RNF217: variants seen among roughly 807,000 people sequenced by gnomAD.
RNF217 encodes the protein E3 ubiquitin-protein ligase RNF217.
In RNF217, 31 loss-of-function variants were observed where a neutral mutation model predicts 57.8. The ratio of observed to expected loss-of-function variants is 0.54; its 90% CI spans 0.40 to 0.72. RNF217 has a LOEUF of 0.72. RNF217 is among the 30% of genes least tolerant of loss of function. The pLI, the probability that RNF217 is intolerant of heterozygous loss-of-function variation, is 0.00. For synonymous variants in RNF217, 313 were observed against 294.0 expected (o/e 1.06, Z -0.66); for missense variants, 696 against 708.3 (o/e 0.98, Z 0.20).
chr6:125,015,646 T>C (rs1785573307), intron 1 of RNF217, among the ~76,000 whole-genome samples: 2 of 151,974 alleles, frequency 1.3e-5, no homozygotes, highest in South Asian at 4.1e-4. Context: ...TGTATATATA[T>C]TGGTATTGCT....
At chr6:124,999,003 A>G (rs565789985) in intron 1 of RNF217, among the ~76,000 whole-genome samples, 18 of 152,356 alleles carry the variant, frequency 1.2e-4, no homozygotes, top group Admixed American at 1.1e-3. Flanking sequence ...AAATAGATAC[A>G]TGTAATTATA....
intron 3 of RNF217, among the ~76,000 whole-genome samples, chr6:125,060,555 A>G (rs1582764449): frequency 6.6e-6 from 1 of 151,780 alleles, no homozygotes; most frequent in African/African-American, 2.4e-5. Context: ...AGCAATTCTC[A>G]TGCCTCAGCC....
intron 3 of RNF217, among the ~76,000 whole-genome samples, chr6:125,062,207 T>C (rs574298771): frequency 6.6e-6 from 1 of 152,272 alleles, no homozygotes; most frequent in South Asian, 2.1e-4. Flanking sequence ...GTATTCTAAA[T>C]GAAACAAAAT....
intron 1 of RNF217, among the ~76,000 whole-genome samples, chr6:124,986,886 T>C (rs923665891): frequency 4.6e-5 from 7 of 152,138 alleles, no homozygotes; most frequent in African/African-American, 1.7e-4. Context: ...TTATTTCTTT[T>C]GAGATAATGT....
intron 1 of RNF217, among the ~76,000 whole-genome samples, chr6:124,972,461 T>G (rs768196087): frequency 1.3e-5 from 2 of 152,194 alleles, no homozygotes; most frequent in Non-Finnish European, 2.9e-5. Flanking sequence ...ACTCTCCTTC[T>G]TAGCCTTTCA....
At chr6:125,057,215 G>T (rs894067913) in intron 2 of RNF217, among the ~76,000 whole-genome samples, 1 of 152,066 alleles carries the variant, frequency 6.6e-6, no homozygotes, top group Admixed American at 6.6e-5. Flanking sequence ...TCTCTCTGTC[G>T]CCCATGCTGG....
chr6:125,035,956 T>A (rs1037231416), intron 1 of RNF217, among the ~76,000 whole-genome samples: 1 of 152,038 alleles, frequency 6.6e-6, no homozygotes, highest in African/African-American at 2.4e-5. Flanking sequence ...ATGTGCAGAA[T>A]GTGCAGGATT....
chr6:124,989,007 T>A (rs1437358630), intron 1 of RNF217, among the ~76,000 whole-genome samples: 2 of 152,182 alleles, frequency 1.3e-5, no homozygotes, highest in Admixed American at 6.6e-5. Context: ...GCTAATAGTC[T>A]TAAACCAGTT....
At chr6:125,070,490 C>G (rs1003908826) in intron 3 of RNF217, among the ~76,000 whole-genome samples, 1 of 152,226 alleles carries the variant, frequency 6.6e-6, no homozygotes, top group African/African-American at 2.4e-5. Context: ...CTTTTCACCA[C>G]ATTCACACCA....
chr6:124,963,193 T>G lies in RNF217; in HGVS notation c.649T>G (p.Ser217Ala). The G allele has an allele frequency of 6.5e-7, 1 of 1,535,666 alleles. No individual in the cohort carries two copies. The highest frequency in any genetic ancestry group is 1.7e-4 in the Middle Eastern group (1 of 5,954). ...ACTGTCCCTCCCAACGGATTCCCTC[T>G]CCCCCGACGGCGGCAGCATCGAGCT... ...PRLSLPTDSL[S>A]PDGGSIELEF... The change falls in exon 1 of 6, where the codon TCC (serine) becomes GCC (alanine). Residue 217 changes from serine (S) to alanine (A), a missense_variant. Transcript: ENST00000521654.
At chr6:125,025,690 C>T (rs1347503384) in intron 1 of RNF217, among the ~76,000 whole-genome samples, 1 of 125,826 alleles carries the variant, frequency 7.9e-6, no homozygotes, top group South Asian at 2.7e-4. Flanking sequence ...AGGGATATTT[C>T]CAAATGTACT....
intron 5 of RNF217, chr6:125,082,610 G>A: frequency 6.3e-7 from 1 of 1,580,896 alleles, no homozygotes; most frequent in Non-Finnish European, 8.6e-7. Flanking sequence ...CAATAAAGAA[G>A]ATTTAAACCA....
intron 1 of RNF217, among the ~76,000 whole-genome samples, chr6:124,968,930 G>A (rs959142186): frequency 6.6e-6 from 1 of 152,180 alleles, no homozygotes; most frequent in African/African-American, 2.4e-5. Context: ...TGGGGTACCT[G>A]TATGATAAGC....
intron 5 of RNF217, 54 bp from the exon 6 acceptor site, chr6:125,082,810 G>C: frequency 7.4e-7 from 1 of 1,356,628 alleles, no homozygotes; most frequent in South Asian, 1.2e-5. Context: ...TTTTAAAATA[G>C]GAAAACCTAA....
intron 1 of RNF217, among the ~76,000 whole-genome samples, chr6:125,006,805 C>T (rs1052463881): frequency 1.3e-4 from 20 of 151,978 alleles, no homozygotes; most frequent in Non-Finnish European, 2.2e-4. Flanking sequence ...AAAAATTAGC[C>T]GGGTGTGGTG....
intron 1 of RNF217, among the ~76,000 whole-genome samples, chr6:124,976,951 C>A (rs911026147): frequency 6.6e-6 from 1 of 152,158 alleles, no homozygotes; most frequent in Non-Finnish European, 1.5e-5. Context: ...AGCAGGAAAA[C>A]CCTGAAAGGA....
At chr6:125,081,410 A>G in intron 4 of RNF217, 26 bp from the exon 5 acceptor site, 1 of 1,590,954 alleles carries the variant, frequency 6.3e-7, no homozygotes. Flanking sequence ...AAGACTCCTT[A>G]AATAATTTTG....
chr6:124,989,062 C>T (rs1442856930), intron 1 of RNF217, among the ~76,000 whole-genome samples: 2 of 152,124 alleles, frequency 1.3e-5, no homozygotes, highest in African/African-American at 4.8e-5. Flanking sequence ...ATTTAATTTG[C>T]TTGTCTAACA....
At chr6:124,972,534 C>T (rs1278830539) in intron 1 of RNF217, among the ~76,000 whole-genome samples, 1 of 152,216 alleles carries the variant, frequency 6.6e-6, no homozygotes, top group Non-Finnish European at 1.5e-5. Flanking sequence ...TGTCCCTGTG[C>T]ATTCTGACTC....
Sources: allele counts gnomAD v4.1 joint callset (sites outside exome capture counted in the v4.1 genomes callset), GRCh38; gene constraint gnomAD v4.1.1; transcripts MANE v1.5; gene names NCBI Gene and HGNC (gene_info 2026-07-23, HGNC 2026-07-21).